UGT1A3: variants seen among roughly 807,000 people sequenced by gnomAD.
UGT1A3 encodes the protein UDP glucuronosyltransferase family 1 member A3, also known as UDP-glucuronosyltransferase 1A3.
A neutral mutation model predicts 41.0 loss-of-function variants in UGT1A3; 31 were observed. The ratio of observed to expected loss-of-function variants is 0.76; its 90% CI spans 0.57 to 1.02. The LOEUF is 1.02. Among genes scored for constraint, UGT1A3 ranks in the 50% least tolerant of loss-of-function variants. The pLI is 0.00. For synonymous variants in UGT1A3, 262 were observed against 257.6 expected, an observed-to-expected ratio of 1.02 and a Z score of -0.17; for missense variants, 737 against 671.0, an observed-to-expected ratio of 1.10 and a Z score of -1.09.
rs1262951640 is a variant in UGT1A3 at position 233,730,006 on chromosome 2, G to A, written c.867+13G>A. ...GCCACTATCTCAGGTCTGTATTGGT[G>A]CCTTCATCCAATCAATGTTCCAGGC... is the stretch of plus-strand genomic sequence containing the variant. On this transcript the variant is annotated intron_variant, in intron 1 of 4. Coordinates refer to ENST00000482026, the MANE Select transcript of UGT1A3 (RefSeq NM_019093.4). The A allele has an allele frequency of 6.8e-6, 11 of 1,613,746 alleles. No individual in the cohort carries two copies. Among genetic ancestry groups the A allele is most frequent in the Non-Finnish European group, 9.3e-6 (11 of 1,179,902 alleles).
At chr2:233,768,026 TG>T (rs1699551071) in intron 3 of UGT1A3, 90 bp downstream of exon 3, 2 of 1,613,156 alleles carry the variant, frequency 1.2e-6, no homozygotes, top group Non-Finnish European at 1.7e-6. Context: ...TTGTTGAGCT[TG>T]AAAATATTAT....
In UGT1A3 at chr2:233,729,854, T is replaced by C. The variant is rs773168395; in HGVS notation, c.728T>C (p.Val243Ala). The C allele has an allele frequency of 2.5e-6, 4 of 1,613,682 alleles. No homozygotes were observed. In the African/African-American group the frequency reaches 5.3e-5, roughly 22 times the overall value. The change falls in exon 1 of 5, where the codon GTG (valine) becomes GCG (alanine). Residue 243 changes from valine (V) to alanine (A), a missense_variant. Val to Ala is a moderately conservative substitution (Grantham distance 64). Transcript: ENST00000482026. ...GCCTCTGAGCTTTTTCAGAGAGAGGTGTCAGTGGTGGATATTCTCAGTCAT... is the reference window on the plus strand; with the variant it reads ...GCCTCTGAGCTTTTTCAGAGAGAGGCGTCAGTGGTGGATATTCTCAGTCAT... ...SLASELFQRE[V>A]SVVDILSHAS...
rs28934877 is a variant in UGT1A3 at position 233,768,333 on chromosome 2, A to G, written c.1201A>G (p.Asn401Asp). The G allele has an allele frequency of 9.9e-6, 16 of 1,614,100 alleles. No homozygotes were observed. The highest frequency in any genetic ancestry group is 1.2e-5 in the Non-Finnish European group (14 of 1,180,052). Residue 401 changes from asparagine (N) to aspartate (D), a missense_variant, in exon 4 of 5, where the codon AAT becomes GAT. Coordinates refer to ENST00000482026, the MANE Select transcript of UGT1A3 (RefSeq NM_019093.4). Reference sequence around the variant, plus strand: ...GCCCTTGTTTGGTGATCAGATGGACAATGCAAAGCGCATGGAGACTAAGGG... The same window carrying G: ...GCCCTTGTTTGGTGATCAGATGGACGATGCAAAGCGCATGGAGACTAAGGG... ...MMPLFGDQMD[N>D]AKRMETKGAG...
Position 233,729,935 on chromosome 2 carries a change from T to C in UGT1A3, c.809T>C (p.Met270Thr), listed in dbSNP as rs2077953750. The C allele has an allele frequency of 6.2e-7, 1 of 1,614,092 alleles. No individual in the cohort carries two copies. Among genetic ancestry groups the C allele is most frequent in the African/African-American group, 1.3e-5 (1 of 75,058 alleles). The change falls in exon 1 of 5, where the codon ATG (methionine) becomes ACG (threonine). Residue 270 changes from methionine (M) to threonine (T), a missense_variant. By Grantham distance (81) the Met-to-Thr change is moderately conservative (BLOSUM62 -1). Transcript: ENST00000482026. ...GTGATGGACTACCCCAGGCCAATCA[T>C]GCCCAACATGGTCTTCATTGGGGGC... Reference protein sequence around the residue: ...DFVMDYPRPIMPNMVFIGGIN... With the variant: ...DFVMDYPRPITPNMVFIGGIN...
At chr2:233,764,522 C>G (rs1698581178) in intron 1 of UGT1A3, among the ~76,000 whole-genome samples, 1 of 152,138 alleles carries the variant, frequency 6.6e-6, no homozygotes, top group Non-Finnish European at 1.5e-5. Context: ...TGAATCACAT[C>G]CTGCTGATTG....
At chr2:233,749,544 A>G (rs1407004260) in intron 1 of UGT1A3, among the ~76,000 whole-genome samples, 1 of 151,906 alleles carries the variant, frequency 6.6e-6, no homozygotes, top group Non-Finnish European at 1.5e-5. Context: ...GTGGTAAAGA[A>G]CAGGCTAATG....
Position 233,772,679 on chromosome 2 carries a change from T to C in UGT1A3, c.*120T>C. On this transcript the variant is annotated 3_prime_UTR_variant, in exon 5 of 5. Transcript: ENST00000482026. ...TAAGGAAATACTTTGCATAAATTAATCAGCCCCAGAGTGCTTTAAAAAATT... is the reference window on the plus strand; with the variant it reads ...TAAGGAAATACTTTGCATAAATTAACCAGCCCCAGAGTGCTTTAAAAAATT... The C allele has an allele frequency of 6.5e-7, 1 of 1,531,230 alleles. No homozygotes were observed. Among genetic ancestry groups the C allele is most frequent in the Non-Finnish European group, 8.8e-7 (1 of 1,141,982 alleles). 94.9% of individuals were successfully genotyped at this position (1,531,230 alleles called of 1,614,324 possible).
chr2:233,766,445 C>A (rs1699154824), intron 1 of UGT1A3, among the ~76,000 whole-genome samples: 1 of 152,174 alleles, frequency 6.6e-6, no homozygotes, highest in African/African-American at 2.4e-5. Flanking sequence ...TGTGTGTCTG[C>A]CTGCTAGGGT....
At chr2:233,756,610 A>C (rs946399513) in intron 1 of UGT1A3, among the ~76,000 whole-genome samples, 3 of 152,216 alleles carry the variant, frequency 2.0e-5, no homozygotes, top group African/African-American at 7.2e-5. Context: ...GAAACCATTA[A>C]GACTTGCAGG....
At chr2:233,743,564 G>A (rs772866173) in intron 1 of UGT1A3, 83 of 1,367,154 alleles carry the variant, frequency 6.1e-5, no homozygotes, top group Non-Finnish European at 7.6e-5. Context: ...ATTCTCCAGC[G>A]GGTTTCCCAA....
chr2:233,748,482 T>G (rs1174810693), intron 1 of UGT1A3, among the ~76,000 whole-genome samples: 1 of 151,838 alleles, frequency 6.6e-6, no homozygotes, highest in African/African-American at 2.4e-5. Flanking sequence ...AAATTACAAT[T>G]GTTAATGTGA....
chr2:233,763,371 A>G (rs1027317735), intron 1 of UGT1A3, among the ~76,000 whole-genome samples: 3 of 152,180 alleles, frequency 2.0e-5, no homozygotes, highest in African/African-American at 7.2e-5. Flanking sequence ...TTTGTCTTCA[A>G]GCTTTCTTCC....
chr2:233,729,082 G>C lies in UGT1A3; in HGVS notation c.-45G>C, dbSNP rs2077787378. On this transcript the variant is annotated 5_prime_UTR_variant, in exon 1 of 5. Coordinates refer to ENST00000482026, the MANE Select transcript of UGT1A3 (RefSeq NM_019093.4). ...AAGATGAAGAAAGCAAATGTAGCAG[G>C]CACAGCGTGGGGTGGACAGTCAGCT... The C allele has an allele frequency of 6.2e-7, 1 of 1,612,252 alleles. No individual in the cohort carries two copies. Among genetic ancestry groups the C allele is most frequent in the Non-Finnish European group, 8.5e-7 (1 of 1,179,804 alleles).
chr2:233,730,094 A>T, intron 1 of UGT1A3, 101 bp downstream of exon 1: 1 of 1,593,062 alleles, frequency 6.3e-7, no homozygotes, highest in Non-Finnish European at 8.5e-7. Context: ...ATCTTTCCAA[A>T]TATTTCATTT....
rs138183896 is a variant in UGT1A3 at position 233,760,581 on chromosome 2, T to C, written c.868-6453T>C. The C allele has an allele frequency of 2.4e-4, 385 of 1,614,108 alleles. No individual in the cohort carries two copies. Among genetic ancestry groups the C allele is most frequent in the Non-Finnish European group, 3.1e-4 (370 of 1,180,052 alleles). ...AGTCTTTTGTTAGTCTCGGGCATAATGTTTTTGAGAATGATTCTTTCCTGC... is the reference window on the plus strand; with the variant it reads ...AGTCTTTTGTTAGTCTCGGGCATAACGTTTTTGAGAATGATTCTTTCCTGC... On this transcript the variant is annotated intron_variant, in intron 1 of 4. Transcript: ENST00000482026.
intron 4 of UGT1A3, chr2:233,771,560 G>A (rs1700329109): frequency 6.6e-6 from 1 of 152,164 alleles, no homozygotes; most frequent in South Asian, 2.1e-4. Flanking sequence ...TGTTAATTTG[G>A]CCAGAGGTGG....
intron 1 of UGT1A3, among the ~76,000 whole-genome samples, chr2:233,757,676 T>A (rs986940319): frequency 2.0e-5 from 3 of 151,088 alleles, no homozygotes; most frequent in African/African-American, 7.3e-5. Flanking sequence ...ATTCAAGGAA[T>A]TCAAGGGATT....
chr2:233,754,446 C>A, intron 1 of UGT1A3: 1 of 350,362 alleles, frequency 2.9e-6, no homozygotes, highest in Non-Finnish European at 5.6e-6. Context: ...TTTATAAATT[C>A]TTGGGTACAG....
At chr2:233,770,357 A>G (rs1700064442) in intron 4 of UGT1A3, 1 of 152,214 alleles carries the variant, frequency 6.6e-6, no homozygotes, top group Admixed American at 6.5e-5. Flanking sequence ...TATTGAATGA[A>G]TGAATGAAAG....
Sources: allele counts gnomAD v4.1 joint callset (sites outside exome capture counted in the v4.1 genomes callset), GRCh38; gene constraint gnomAD v4.1.1; transcripts MANE v1.5; gene names NCBI Gene and HGNC (gene_info 2026-07-23, HGNC 2026-07-21).